The following SH3GL2 variants were observed in gnomAD, a reference collection of about 807,000 sequenced individuals.
SH3GL2 encodes the protein SH3 domain containing GRB2 like 2, endophilin A1.
In SH3GL2, 24 loss-of-function variants were observed where a neutral mutation model predicts 46.0. The observed-to-expected ratio is 0.52, with a 90% CI of 0.38 to 0.73. The LOEUF is 0.73. Ranked by LOEUF, SH3GL2 falls within the 30% of genes least tolerant of loss-of-function variation. The probability of loss-of-function intolerance (pLI) is 0.00; values close to 1 mark genes in which losing one functional copy is unlikely to be tolerated. For synonymous variants in SH3GL2, 196 were observed against 147.1 expected, an observed-to-expected ratio of 1.33 and a Z score of -2.40; for missense variants, 413 against 424.2, an observed-to-expected ratio of 0.97 and a Z score of 0.23.
intron 3 of SH3GL2, among the ~76,000 whole-genome samples, chr9:17,773,908 T>A (rs544297115): frequency 2.0e-4 from 30 of 152,292 alleles, no homozygotes; most frequent in African/African-American, 6.7e-4. Context: ...CTTAATAATA[T>A]TAAGTCTTCG....
Position 17,744,693 on chromosome 9 carries a change from C to T in SH3GL2, c.46-2373C>T, listed in dbSNP as rs188663343. 7.1e-3 allele frequency among the ~76,000 whole-genome samples: 1,085 copies of T among 152,202 alleles called. 3 individuals carry two copies. The highest frequency in any genetic ancestry group is 0.012 in the Admixed American group (178 of 15,290). ...TAGTAGGTTCTTAACTGAATTCTAA[C>T]CCCCGCACCCAATTTCTAGTTTGCT... On this transcript the variant is annotated intron_variant, in intron 1 of 8. Transcript: ENST00000380607.
chr9:17,700,486 C>A (rs895539576), intron 1 of SH3GL2, among the ~76,000 whole-genome samples: 1 of 152,162 alleles, frequency 6.6e-6, no homozygotes, highest in Non-Finnish European at 1.5e-5. Flanking sequence ...CCTCTTGGTT[C>A]CCTGGATTCC....
rs542380392 is a variant in SH3GL2 at position 17,673,151 on chromosome 9, G to T, written c.46-73915G>T. 2.6e-3 allele frequency among the ~76,000 whole-genome samples: 394 copies of T among 149,982 alleles called. 2 individuals are homozygous for T. The highest frequency in any genetic ancestry group is 0.015 in the East Asian group (75 of 5,102). On this transcript the variant is annotated intron_variant, in intron 1 of 8. Coordinates refer to ENST00000380607, the MANE Select transcript of SH3GL2 (RefSeq NM_003026.5). Reference sequence around the variant, plus strand: ...AGTCTCTCACCTTGACTTTTTTTTTGTTTGTTTGTTTGTTTTTGAGACAGT... The same window carrying T: ...AGTCTCTCACCTTGACTTTTTTTTTTTTTGTTTGTTTGTTTTTGAGACAGT...
intron 6 of SH3GL2, chr9:17,790,434 C>G: frequency 1.0e-6 from 1 of 984,172 alleles, no homozygotes; most frequent in Non-Finnish European, 1.2e-6. Flanking sequence ...GTGTGTTGAA[C>G]ATATCCAGAC....
intron 1 of SH3GL2, among the ~76,000 whole-genome samples, chr9:17,677,005 A>G (rs1448589692): frequency 6.6e-6 from 1 of 152,150 alleles, no homozygotes; most frequent in East Asian, 1.9e-4. Context: ...CTGCAGAACT[A>G]GGTCTGCTCA....
chr9:17,672,560 C>A (rs1162438409), intron 1 of SH3GL2, among the ~76,000 whole-genome samples: 2 of 152,082 alleles, frequency 1.3e-5, no homozygotes, highest in Non-Finnish European at 2.9e-5. Flanking sequence ...ATGTGGGGAT[C>A]CTGATCTGTA....
chr9:17,761,582 G>C (rs377077410), intron 3 of SH3GL2, 73 bp downstream of exon 3: 3 of 948,478 alleles, frequency 3.2e-6, no homozygotes, highest in Non-Finnish European at 5.2e-6. Flanking sequence ...GACATTTTAA[G>C]TTTGGTGTGT....
At chr9:17,678,089 A>C (rs965036700) in intron 1 of SH3GL2, among the ~76,000 whole-genome samples, 1 of 151,944 alleles carries the variant, frequency 6.6e-6, no homozygotes, top group African/African-American at 2.4e-5. Flanking sequence ...CAGTAAACAT[A>C]TGTGTATGTG....
Position 17,791,010 on chromosome 9 carries a change from A to G in SH3GL2, c.625-221A>G, listed in dbSNP as rs577422738. Reference sequence around the variant, plus strand: ...TACCCATGTTGCTTCTCCTCATGGTACTGATACGCATGATTCTAAGCATAA... The same window carrying G: ...TACCCATGTTGCTTCTCCTCATGGTGCTGATACGCATGATTCTAAGCATAA... On this transcript the variant is annotated intron_variant, in intron 6 of 8. Transcript: ENST00000380607. 1.6e-4 allele frequency among the ~76,000 whole-genome samples: 25 copies of G among 152,302 alleles called. No homozygotes were observed. The South Asian group carries it at 5.0e-3, about 30-fold the overall frequency.
At chr9:17,699,153 CA>C (rs3084657) in intron 1 of SH3GL2, among the ~76,000 whole-genome samples, 2,586 of 86,496 alleles carry the variant, frequency 0.03, 13 homozygotes, top group African/African-American at 0.042. Context: ...GACTCTGTCT[CA>C]AAAAAAAAAA....
intron 7 of SH3GL2, among the ~76,000 whole-genome samples, 159 bp from the exon 8 acceptor site, chr9:17,793,208 T>TA (rs1160587420): frequency 6.6e-6 from 1 of 152,232 alleles, no homozygotes; most frequent in Non-Finnish European, 1.5e-5. Context: ...ATCTCAGACA[T>TA]ATACATACAA....
intron 2 of SH3GL2, among the ~76,000 whole-genome samples, chr9:17,755,238 G>C (rs551051780): frequency 6.6e-6 from 1 of 152,298 alleles, no homozygotes; most frequent in African/African-American, 2.4e-5. Context: ...CATCTATTGA[G>C]ATAATCATGT....
chr9:17,773,101 T>C (rs1231994433), intron 3 of SH3GL2, among the ~76,000 whole-genome samples: 1 of 152,138 alleles, frequency 6.6e-6, no homozygotes, highest in Non-Finnish European at 1.5e-5. Context: ...TTAACCACCT[T>C]TTTATGTGCT....
chr9:17,692,826 G>C (rs546229384), intron 1 of SH3GL2, among the ~76,000 whole-genome samples: 1 of 152,250 alleles, frequency 6.6e-6, no homozygotes, highest in South Asian at 2.1e-4. Context: ...TGGCTGGGGA[G>C]GCCCCAGAAT....
intron 1 of SH3GL2, among the ~76,000 whole-genome samples, chr9:17,712,710 A>G (rs960560570): frequency 6.6e-6 from 1 of 151,786 alleles, no homozygotes; most frequent in African/African-American, 2.4e-5. Context: ...CAGTAGCTTT[A>G]TGATAAGTCT....
At chr9:17,675,920 G>C (rs1028428274) in intron 1 of SH3GL2, among the ~76,000 whole-genome samples, 23 of 152,172 alleles carry the variant, frequency 1.5e-4, no homozygotes, top group African/African-American at 5.3e-4. Context: ...ACTCCAGCCT[G>C]GGCGACAGAG....
intron 1 of SH3GL2, among the ~76,000 whole-genome samples, chr9:17,702,909 C>T (rs1380439097): frequency 6.6e-6 from 1 of 152,008 alleles, no homozygotes; most frequent in Non-Finnish European, 1.5e-5. Context: ...CTGTTAATGC[C>T]TTGCTGTCAG....
chr9:17,734,725 A>G (rs1208752297), intron 1 of SH3GL2, among the ~76,000 whole-genome samples: 1 of 151,494 alleles, frequency 6.6e-6, no homozygotes, highest in African/African-American at 2.4e-5. Flanking sequence ...ATATTATTTC[A>G]TTTATATAAA....
At chr9:17,668,824 T>C (rs1295698274) in intron 1 of SH3GL2, among the ~76,000 whole-genome samples, 1 of 151,946 alleles carries the variant, frequency 6.6e-6, no homozygotes, top group Non-Finnish European at 1.5e-5. Flanking sequence ...GCCCAAGTAG[T>C]TTTTAAAATT....
Sources: gnomAD v4.1 joint callset for allele counts (sites outside exome capture counted in the v4.1 genomes callset) on GRCh38, gnomAD v4.1.1 for gene constraint, MANE v1.5 for transcripts, NCBI Gene and HGNC (gene_info 2026-07-23, HGNC 2026-07-21) for gene names.